SERPINB10: variants seen among roughly 807,000 people sequenced by gnomAD.
SERPINB10 encodes serpin B10.
SERPINB10 carries 35 observed loss-of-function variants against 39.1 expected under a neutral mutation model. That is an observed-to-expected ratio of 0.90 (90% CI 0.68 to 1.19). SERPINB10 has a LOEUF of 1.19. Ranked by LOEUF, SERPINB10 falls within the 50% of genes most tolerant of loss-of-function variation. The pLI is 0.00. For missense variants in SERPINB10, 546 were observed against 460.5 expected, an observed-to-expected ratio of 1.19 and a Z score of -1.70; for synonymous variants, 190 against 158.1, an observed-to-expected ratio of 1.20 and a Z score of -1.52.
chr18:63,909,160 T>C (rs569661007), intron 1 of SERPINB10, among the ~76,000 whole-genome samples: 4 of 152,162 alleles, frequency 2.6e-5, no homozygotes, highest in African/African-American at 9.6e-5. Flanking sequence ...CTTGCTTTCT[T>C]AATTCTCTTT....
At chr18:63,933,633 T>G (rs552073755) in intron 7 of SERPINB10, among the ~76,000 whole-genome samples, 1 of 152,348 alleles carries the variant, frequency 6.6e-6, no homozygotes, top group Non-Finnish European at 1.5e-5. Flanking sequence ...TACACACACG[T>G]ACGCAGACAT....
intron 1 of SERPINB10, among the ~76,000 whole-genome samples, chr18:63,914,189 C>T (rs1462747737): frequency 6.6e-6 from 1 of 152,156 alleles, no homozygotes; most frequent in Admixed American, 6.6e-5. Context: ...TTAAAGACAG[C>T]ACATTAATGG....
chr18:63,915,622 T>C lies in SERPINB10; in HGVS notation c.112T>C (p.Ser38Pro), dbSNP rs761279299. 6.2e-7 allele frequency: 1 copy of C among 1,612,804 alleles called. No homozygotes were observed. The highest frequency in any genetic ancestry group is 2.2e-5 in the East Asian group (1 of 44,820). The change falls in exon 2 of 8, where the codon TCC becomes CCC. Residue 38 changes from serine to proline, a missense_variant. Transcript: ENST00000238508. Reference sequence around the variant, plus strand: ...CTTTTCTTCCTGGAGCATCTCAACTTCCTTGACCATAGTGTATTTGGGCGC... The same window carrying C: ...CTTTTCTTCCTGGAGCATCTCAACTCCCTTGACCATAGTGTATTTGGGCGC... ...IFFSSWSIST[S>P]LTIVYLGAKG...
At chr18:63,918,527 G>T (rs2050121841) in intron 4 of SERPINB10, among the ~76,000 whole-genome samples, 1 of 152,002 alleles carries the variant, frequency 6.6e-6, no homozygotes, top group Non-Finnish European at 1.5e-5. Flanking sequence ...TGCAGACCAT[G>T]ATGACTCTGT....
chr18:63,910,737 G>C (rs759054334), intron 1 of SERPINB10, among the ~76,000 whole-genome samples: 18 of 151,152 alleles, frequency 1.2e-4, no homozygotes, highest in Admixed American at 1.3e-4. Context: ...CTTTGCTATT[G>C]TGAATAGTGC....
chr18:63,933,966 G>A (rs1420218609), intron 7 of SERPINB10, among the ~76,000 whole-genome samples: 1 of 152,148 alleles, frequency 6.6e-6, no homozygotes. Flanking sequence ...CATAAAATTT[G>A]TGAAACTGGA....
Position 63,915,525 on chromosome 18 carries a change from A to G in SERPINB10, c.15A>G (p.Ala5=). 1 of 1,611,772 alleles carries G rather than the reference A, an allele frequency of 6.2e-7. No homozygotes were observed. Among genetic ancestry groups the G allele is most frequent in the Non-Finnish European group, 8.5e-7 (1 of 1,178,584 alleles). ...AGGTTTCCTCAATGGACTCTCTAGC[A>G]ACATCAATCAACCAGTTTGCCCTGG... is the stretch of plus-strand genomic sequence containing the variant. The part of the protein sequence containing the change: MDSL[A]TSINQFALEL... The change falls in exon 2 of 8, where the codon GCA becomes GCG. Residue 5 remains alanine (A), a synonymous_variant. Coordinates refer to ENST00000238508, the MANE Select transcript of SERPINB10 (RefSeq NM_005024.3).
intron 2 of SERPINB10, among the ~76,000 whole-genome samples, chr18:63,916,994 C>T (rs532226425): frequency 4.6e-5 from 7 of 152,002 alleles, no homozygotes; most frequent in South Asian, 2.1e-4. Flanking sequence ...ACAAACATTG[C>T]GCCTAAATAT....
intron 2 of SERPINB10, 28 bp downstream of exon 2, chr18:63,915,706 G>A (rs1298826996): frequency 6.4e-7 from 1 of 1,567,686 alleles, no homozygotes; most frequent in African/African-American, 1.4e-5. Flanking sequence ...ACTATCTTCT[G>A]TTTCTTGTAA....
chr18:63,928,867 C>T (rs547258818), intron 5 of SERPINB10, among the ~76,000 whole-genome samples: 36 of 150,224 alleles, frequency 2.4e-4, no homozygotes, highest in African/African-American at 7.2e-4. Context: ...TATAAGAATG[C>T]TTGTGATTTT....
At chr18:63,920,728 C>T (rs1001725575) in intron 5 of SERPINB10, among the ~76,000 whole-genome samples, 16 of 151,890 alleles carry the variant, frequency 1.1e-4, no homozygotes, top group African/African-American at 3.9e-4. Context: ...TGTGACTTTC[C>T]TAGTTTTAGG....
chr18:63,913,833 T>C (rs1436335441), intron 1 of SERPINB10, among the ~76,000 whole-genome samples: 2 of 152,110 alleles, frequency 1.3e-5, no homozygotes, highest in Non-Finnish European at 2.9e-5. Context: ...CTCAATGATC[T>C]GTCTAATGCT....
At chr18:63,913,875 T>C (rs1164294771) in intron 1 of SERPINB10, among the ~76,000 whole-genome samples, 1 of 152,146 alleles carries the variant, frequency 6.6e-6, no homozygotes, top group Non-Finnish European at 1.5e-5. Flanking sequence ...CCCACTATTG[T>C]TGTGTGTCTG....
At position 63,933,303 on chromosome 18, in the gene SERPINB10, G is replaced by A. The variant is rs2050237866; in HGVS notation, c.789+100G>A. The A allele has an allele frequency of 3.9e-6, 5 of 1,289,332 alleles. No individual in the cohort carries two copies. In the East Asian group the frequency reaches 9.2e-5, roughly 24 times the overall value. 79.9% of individuals were successfully genotyped at this position (1,289,332 alleles called of 1,614,324 possible). On this transcript the variant is annotated intron_variant, in intron 7 of 7. Coordinates refer to ENST00000238508, the MANE Select transcript of SERPINB10 (RefSeq NM_005024.3). ...TCTCCCAATTGTCCTCAGGAAGAAT[G>A]TTCTCCCTATTATTTAATTCCTATA... is the stretch of plus-strand genomic sequence containing the variant.
intron 7 of SERPINB10, among the ~76,000 whole-genome samples, chr18:63,934,459 G>T (rs17072206): frequency 0.023 from 3,536 of 152,148 alleles, 167 homozygotes; most frequent in East Asian, 0.2. Context: ...TGTCTCCCAT[G>T]TCGATAAACA....
intron 1 of SERPINB10, among the ~76,000 whole-genome samples, chr18:63,914,088 C>A (rs1400273761): frequency 6.6e-6 from 1 of 152,106 alleles, no homozygotes; most frequent in Non-Finnish European, 1.5e-5. Context: ...ATAGCACCCA[C>A]TGCTCTATTT....
chr18:63,929,962 A>C, intron 5 of SERPINB10, 83 bp from the exon 6 acceptor site: 1 of 1,426,936 alleles, frequency 7.0e-7, no homozygotes, highest in South Asian at 1.3e-5. Flanking sequence ...TTATAGTTCC[A>C]GAAAAAATAG....
intron 1 of SERPINB10, among the ~76,000 whole-genome samples, chr18:63,914,162 C>CATGTGAA (rs1409654313): frequency 6.6e-6 from 1 of 152,088 alleles, no homozygotes; most frequent in Admixed American, 6.6e-5. Context: ...GGTGTTATTA[C>CATGTGAA]ATGTGAAATG....
rs763709472 is a variant in SERPINB10, at chr18:63,919,910, G to T, written c.490+5G>T. On this transcript the variant is annotated splice_donor_5th_base_variant and intron_variant, in intron 5 of 7. Transcript: ENST00000238508. ...GGGTTGAAAGACAGACCGAGGGTAA[G>T]CTTTCACCAAGGGGTTTGGCAGCGT... 6.3e-7 allele frequency: 1 copy of T among 1,575,542 alleles called. No homozygotes were observed. The highest frequency in any genetic ancestry group is 1.8e-5 in the Admixed American group (1 of 56,052).
Sources: allele counts gnomAD v4.1 joint callset (sites outside exome capture counted in the v4.1 genomes callset), GRCh38; gene constraint gnomAD v4.1.1; transcripts MANE v1.5; gene names NCBI Gene and HGNC (gene_info 2026-07-23, HGNC 2026-07-21).